Variants in CFAP61 observed in about 807,000 individuals in gnomAD.
The protein encoded by CFAP61 is cilia- and flagella-associated protein 61.
Under a neutral mutation model 135.6 loss-of-function variants are expected in CFAP61, and 107 were observed. That is an observed-to-expected ratio of 0.79 (90% CI 0.67 to 0.93). The LOEUF (loss-of-function observed/expected upper bound fraction) is 0.93. Among genes scored for constraint, CFAP61 ranks in the 40% least tolerant of loss-of-function variants. CFAP61 has a pLI of 0.00. For synonymous variants in CFAP61, 575 were observed against 578.5 expected (o/e 0.99, Z 0.09); for missense variants, 1,507 against 1,556.2 (o/e 0.97, Z 0.53).
intron 2 of CFAP61, among the ~76,000 whole-genome samples, chr20:20,061,765 C>G (rs2044816096): frequency 6.6e-6 from 1 of 152,212 alleles, no homozygotes; most frequent in Admixed American, 6.5e-5. Flanking sequence ...CCCATGTTTT[C>G]TATCTTTGTT....
chr20:20,084,706 C>T (rs565390462), intron 6 of CFAP61, among the ~76,000 whole-genome samples: 7 of 152,300 alleles, frequency 4.6e-5, no homozygotes, highest in East Asian at 3.9e-4. Context: ...CTCAGCTAAC[C>T]GACTGGTGGA....
chr20:20,074,353 G>T lies in CFAP61; in HGVS notation c.346G>T (p.Val116Phe). 1 of 1,614,172 alleles carries T rather than the reference G, an allele frequency of 6.2e-7. No individual in the cohort carries two copies. ...HLFVAVDEYSVGCCKEILRTV... is the reference protein window; with the variant it reads ...HLFVAVDEYSFGCCKEILRTV... The stretch of plus-strand genomic sequence containing the variant: ...CTTTGTGGCCGTGGATGAGTATTCT[G>T]TTGGCTGTTGCAAAGAGATTCTTCG... The change falls in exon 4 of 27, where the codon GTT becomes TTT. Residue 116 changes from valine to phenylalanine, a missense_variant. Transcript: ENST00000245957.
chr20:20,348,587 G>GGCT (rs1039750918), intron 26 of CFAP61, among the ~76,000 whole-genome samples: 1 of 150,742 alleles, frequency 6.6e-6, no homozygotes, highest in African/African-American at 2.4e-5. Context: ...CCACTCACAA[G>GGCT]GCTGAGGCAG....
At chr20:20,193,292 T>G (rs939483149) in intron 15 of CFAP61, among the ~76,000 whole-genome samples, 4 of 152,156 alleles carry the variant, frequency 2.6e-5, no homozygotes, top group African/African-American at 9.7e-5. Context: ...CTGATAGATA[T>G]CCCTTATCAA....
At chr20:20,084,801 G>C (rs548122357) in intron 6 of CFAP61, among the ~76,000 whole-genome samples, 1 of 152,272 alleles carries the variant, frequency 6.6e-6, no homozygotes, top group Admixed American at 6.5e-5. Flanking sequence ...TGTGGACTTA[G>C]AAGACACCCA....
chr20:20,129,326 A>G (rs896895735), intron 8 of CFAP61, among the ~76,000 whole-genome samples: 2 of 151,960 alleles, frequency 1.3e-5, no homozygotes, highest in South Asian at 2.1e-4. Context: ...TTAAAGGACA[A>G]GTTTGCTGGA....
intron 9 of CFAP61, among the ~76,000 whole-genome samples, chr20:20,145,658 C>G (rs1054830044): frequency 6.6e-6 from 1 of 151,976 alleles, no homozygotes; most frequent in Non-Finnish European, 1.5e-5. Context: ...TATAAAGATA[C>G]AATAGGCTAA....
intron 25 of CFAP61, among the ~76,000 whole-genome samples, chr20:20,304,718 G>A (rs1030740160): frequency 6.6e-6 from 1 of 152,010 alleles, no homozygotes; most frequent in Non-Finnish European, 1.5e-5. Flanking sequence ...CACCGGGCGC[G>A]AAAGGACCTT....
chr20:20,251,542 A>G, intron 19 of CFAP61, 53 bp from the exon 20 acceptor site: 1 of 1,576,306 alleles, frequency 6.3e-7, no homozygotes. Flanking sequence ...ATGTCTAATT[A>G]ATGCCCGCTG....
intron 25 of CFAP61, among the ~76,000 whole-genome samples, chr20:20,304,671 A>C (rs2122163086): frequency 6.6e-6 from 1 of 152,020 alleles, no homozygotes; most frequent in Non-Finnish European, 1.5e-5. Flanking sequence ...GAATGGCAGC[A>C]CCTTCTGCCC....
intron 21 of CFAP61, among the ~76,000 whole-genome samples, chr20:20,273,865 A>T (rs974897821): frequency 6.6e-6 from 1 of 152,250 alleles, no homozygotes; most frequent in African/African-American, 2.4e-5. Context: ...TGGGGCCCAG[A>T]TATAGCTGTG....
At chr20:20,054,644 C>A (rs543406479) in intron 1 of CFAP61, among the ~76,000 whole-genome samples, 93 of 152,292 alleles carry the variant, frequency 6.1e-4, no homozygotes, top group African/African-American at 2.0e-3. Context: ...GTTGTGTAGA[C>A]AACATGTGGC....
chr20:20,260,092 A>AATGT (rs1404302289), intron 20 of CFAP61, among the ~76,000 whole-genome samples: 1 of 152,148 alleles, frequency 6.6e-6, no homozygotes, highest in African/African-American at 2.4e-5. Context: ...GACCAACAGG[A>AATGT]ATGTATGGGT....
At position 20,251,677 on chromosome 20, in the gene CFAP61, G is replaced by A; in HGVS notation, c.2242G>A (p.Asp748Asn). Reference sequence around the variant, plus strand: ...CGTGGTGGGTAGAATGACCGGCATAGACCGAGCAGCCAAGCACGTTGTGCT... The same window carrying A: ...CGTGGTGGGTAGAATGACCGGCATAAACCGAGCAGCCAAGCACGTTGTGCT... The part of the protein sequence containing the change: ...NVVVGRMTGI[D>N]RAAKHVVLST... The change falls in exon 20 of 27, where the codon GAC becomes AAC. Residue 748 changes from aspartate (D) to asparagine (N), a missense_variant. Coordinates refer to ENST00000245957, the MANE Select transcript of CFAP61 (RefSeq NM_015585.4). The A allele has an allele frequency of 6.2e-7, 1 of 1,614,224 alleles. No homozygotes were observed. Among genetic ancestry groups the A allele is most frequent in the East Asian group, 2.2e-5 (1 of 44,886 alleles).
chr20:20,137,873 G>A (rs1962921872), intron 8 of CFAP61, among the ~76,000 whole-genome samples: 1 of 152,180 alleles, frequency 6.6e-6, no homozygotes, highest in African/African-American at 2.4e-5. Context: ...CCTGAAGTCA[G>A]CACAGCTCTT....
chr20:20,181,166 T>A (rs1477990171), intron 13 of CFAP61, among the ~76,000 whole-genome samples: 1 of 72,034 alleles, frequency 1.4e-5, no homozygotes, highest in South Asian at 4.0e-4. Flanking sequence ...GTAAAAGTTA[T>A]ATATATACAC....
intron 25 of CFAP61, among the ~76,000 whole-genome samples, chr20:20,317,783 C>T (rs1357891180): frequency 1.3e-5 from 2 of 152,096 alleles, no homozygotes; most frequent in Non-Finnish European, 2.9e-5. Flanking sequence ...CAGAGTTTCA[C>T]GGCATTAATA....
At chr20:20,326,050 C>G (rs572423571) in intron 25 of CFAP61, among the ~76,000 whole-genome samples, 3 of 152,308 alleles carry the variant, frequency 2.0e-5, no homozygotes, top group Admixed American at 6.5e-5. Context: ...CTCAAACCAT[C>G]CTCCTGTGTG....
At chr20:20,217,051 CT>C (rs778838783) in intron 17 of CFAP61, among the ~76,000 whole-genome samples, 42 of 152,230 alleles carry the variant, frequency 2.8e-4, no homozygotes, top group Middle Eastern at 3.4e-3. Context: ...TGTTTTATTC[CT>C]CCCTCCAAGT....
Sources: allele counts gnomAD v4.1 joint callset (sites outside exome capture counted in the v4.1 genomes callset), GRCh38; gene constraint gnomAD v4.1.1; transcripts MANE v1.5; gene names NCBI Gene and HGNC (gene_info 2026-07-23, HGNC 2026-07-21).